MED12L: variants seen among roughly 807,000 people sequenced by gnomAD.
MED12L encodes mediator of RNA polymerase II transcription subunit 12-like protein.
MED12L carries 60 observed loss-of-function variants against 281.3 expected under a neutral mutation model. The observed-to-expected ratio is 0.21, with a 90% CI of 0.17 to 0.26. The LOEUF (loss-of-function observed/expected upper bound fraction) is 0.26, where lower values mean the gene tolerates loss of function less well. Among genes scored for constraint, MED12L ranks in the 10% least tolerant of loss-of-function variants. MED12L has a pLI of 1.00. For missense variants in MED12L, 2,146 were observed against 2,680.9 expected, an observed-to-expected ratio of 0.80 and a Z score of 4.41; for synonymous variants, 974 against 987.2, an observed-to-expected ratio of 0.99 and a Z score of 0.25.
chr3:151,272,758 G>A (rs1031267993), intron 16 of MED12L, among the ~76,000 whole-genome samples: 6 of 151,974 alleles, frequency 3.9e-5, no homozygotes, highest in Admixed American at 2.0e-4. Flanking sequence ...TTCCTTGTAT[G>A]AGTGTTAATG....
chr3:151,305,499 G>C (rs1746517419), intron 16 of MED12L, among the ~76,000 whole-genome samples: 1 of 152,098 alleles, frequency 6.6e-6, no homozygotes, highest in Non-Finnish European at 1.5e-5. Flanking sequence ...CCCCGAACTT[G>C]GTGGTTGATA....
At chr3:151,297,645 GA>G (rs1745285166) in intron 16 of MED12L, among the ~76,000 whole-genome samples, 1 of 152,178 alleles carries the variant, frequency 6.6e-6, no homozygotes, top group African/African-American at 2.4e-5. Context: ...GCTCCCTGGG[GA>G]TCTGCTATGC....
chr3:151,269,115 A>G (rs945899391), intron 16 of MED12L, among the ~76,000 whole-genome samples: 1 of 152,164 alleles, frequency 6.6e-6, no homozygotes, highest in African/African-American at 2.4e-5. Flanking sequence ...GACGACGTAC[A>G]AAAGGAAATA....
chr3:151,196,313 A>G (rs1050328741), intron 16 of MED12L, among the ~76,000 whole-genome samples: 1 of 152,208 alleles, frequency 6.6e-6, no homozygotes, highest in Non-Finnish European at 1.5e-5. Flanking sequence ...AATTCAGAAG[A>G]AGCCAAAGGA....
In MED12L at chr3:151,206,789, C is replaced by T. The variant is rs528729282; in HGVS notation, c.2250+13123C>T. Among the ~76,000 whole-genome samples, 135 of 151,294 alleles carry T rather than the reference C, an allele frequency of 8.9e-4. 1 individual carries two copies. Among genetic ancestry groups the T allele is most frequent in the Admixed American group, 8.4e-3 (127 of 15,182 alleles). On this transcript the variant is annotated intron_variant, in intron 16 of 44. Transcript: ENST00000687756. ...CCTCCCGAGTAGCTGGGACTACAGG[C>T]ACCCACCACCACGCCCAGCTAAATT...
At chr3:151,308,164 T>TTTC (rs1357472886) in intron 16 of MED12L, among the ~76,000 whole-genome samples, 13 of 152,152 alleles carry the variant, frequency 8.5e-5, no homozygotes, top group African/African-American at 2.7e-4. Flanking sequence ...AAAAAGCATA[T>TTTC]TTAAGAAATA....
Position 151,163,925 on chromosome 3 carries a change from G to A in MED12L, c.1140G>A (p.Val380=), listed in dbSNP as rs775858437. The A allele has an allele frequency of 1.2e-6, 2 of 1,613,406 alleles. No homozygotes were observed. Among genetic ancestry groups the A allele is most frequent in the African/African-American group, 2.7e-5 (2 of 74,882 alleles). ...CTCTCTGTTGCCCAAGTGCCTTGGT[G>A]TGGAATTATTCCACAAATGAAAATA... is the stretch of plus-strand genomic sequence containing the variant. ...TVTLCCPSAL[V]WNYSTNENKS... The change falls in exon 9 of 45, where the codon GTG becomes GTA. Residue 380 remains valine, a synonymous_variant. Coordinates refer to ENST00000687756, the MANE Select transcript of MED12L (RefSeq NM_001393769.1).
chr3:151,314,828 C>T (rs556225053), intron 16 of MED12L, among the ~76,000 whole-genome samples: 1 of 152,268 alleles, frequency 6.6e-6, no homozygotes, highest in Non-Finnish European at 1.5e-5. Flanking sequence ...GATCTAATCC[C>T]TTCATTTTAC....
At chr3:151,303,364 G>C (rs1230308447) in intron 16 of MED12L, among the ~76,000 whole-genome samples, 3 of 152,112 alleles carry the variant, frequency 2.0e-5, no homozygotes, top group Non-Finnish European at 4.4e-5. Flanking sequence ...AAAGAGAAAG[G>C]TCTGGAGCTT....
At chr3:151,299,788 T>C (rs973831990) in intron 16 of MED12L, among the ~76,000 whole-genome samples, 2 of 152,180 alleles carry the variant, frequency 1.3e-5, no homozygotes, top group African/African-American at 4.8e-5. Context: ...AGTTTGTGTT[T>C]AAAATCTTCC....
At chr3:151,230,273 C>T (rs1037537874) in intron 16 of MED12L, among the ~76,000 whole-genome samples, 3 of 152,322 alleles carry the variant, frequency 2.0e-5, no homozygotes, top group South Asian at 2.1e-4. Flanking sequence ...CGCACCCGGC[C>T]GGGATCTGTT....
At chr3:151,370,672 C>T (rs1009214197) in intron 26 of MED12L, among the ~76,000 whole-genome samples, 1 of 152,104 alleles carries the variant, frequency 6.6e-6, no homozygotes, top group East Asian at 1.9e-4. Flanking sequence ...GTCAGTTGGT[C>T]GGTTCTACTT....
chr3:151,098,044 A>C (rs1720948639), intron 2 of MED12L, among the ~76,000 whole-genome samples: 4 of 152,196 alleles, frequency 2.6e-5, no homozygotes, highest in Non-Finnish European at 5.9e-5. Flanking sequence ...GCAGGACAAA[A>C]TGATATGGGT....
rs765276576 is a variant in MED12L, at chr3:151,350,226, T to C, written c.2398+20T>C. 1 of 1,608,900 alleles carries C rather than the reference T, an allele frequency of 6.2e-7. No individual in the cohort carries two copies. Among genetic ancestry groups the C allele is most frequent in the East Asian group, 2.2e-5 (1 of 44,720 alleles). On this transcript the variant is annotated intron_variant, in intron 17 of 44. Coordinates refer to ENST00000687756, the MANE Select transcript of MED12L (RefSeq NM_001393769.1). ...CAGGGGGTAAAGAACCTTAATGCAT[T>C]TGCTCCCATTGTGTTGCCTTTTGCC...
In MED12L at chr3:151,249,664, T is replaced by A. The variant is rs539462114; in HGVS notation, c.2250+55998T>A. Among the ~76,000 whole-genome samples the A allele has an allele frequency of 2.6e-3, 389 of 152,300 alleles. 1 individual carries two copies. The highest frequency in any genetic ancestry group is 9.1e-3 in the African/African-American group (378 of 41,572). On this transcript the variant is annotated intron_variant, in intron 16 of 44. Coordinates refer to ENST00000687756, the MANE Select transcript of MED12L (RefSeq NM_001393769.1). ...ATCCTGACACATTTCCAGCCTTGAA[T>A]GGGGGCTTTTGGGTCTCCAATCATT...
At chr3:151,310,545 C>T (rs1342579660) in intron 16 of MED12L, among the ~76,000 whole-genome samples, 1 of 152,114 alleles carries the variant, frequency 6.6e-6, no homozygotes, top group Non-Finnish European at 1.5e-5. Flanking sequence ...TTCTGTAGGC[C>T]AGCTATGAAT....
chr3:151,386,513 C>T (rs931675347), intron 36 of MED12L, among the ~76,000 whole-genome samples: 2 of 151,578 alleles, frequency 1.3e-5, no homozygotes, highest in Non-Finnish European at 2.9e-5. Context: ...TCTCAGCCTC[C>T]TGAGTACCTG....
At chr3:151,329,093 A>T in intron 16 of MED12L, 1 of 941,812 alleles carries the variant, frequency 1.1e-6, no homozygotes. Context: ...AACAGACTTT[A>T]TGTTTATAGC....
At chr3:151,177,745 G>C (rs187052325) in intron 11 of MED12L, among the ~76,000 whole-genome samples, 14 of 152,010 alleles carry the variant, frequency 9.2e-5, no homozygotes, top group Middle Eastern at 3.4e-3. Flanking sequence ...GTTCCTGCTC[G>C]GCTTCCCAAA....
Sources: gnomAD v4.1 joint callset for allele counts (sites outside exome capture counted in the v4.1 genomes callset) on GRCh38, gnomAD v4.1.1 for gene constraint, MANE v1.5 for transcripts, NCBI Gene and HGNC (gene_info 2026-07-23, HGNC 2026-07-21) for gene names.